The following HSD11B1 variants were observed in gnomAD, a reference collection of about 807,000 sequenced individuals.
The protein encoded by HSD11B1 is hydroxysteroid 11-beta dehydrogenase 1, also known as 11-beta-hydroxysteroid dehydrogenase 1.
Under a neutral mutation model 22.1 loss-of-function variants are expected in HSD11B1, and 15 were observed. The observed-to-expected ratio is 0.68, with a 90% CI of 0.45 to 1.04. The LOEUF is 1.04. Ranked by LOEUF, HSD11B1 falls within the 50% of genes least tolerant of loss-of-function variation. The pLI is 0.00. For synonymous variants in HSD11B1, 122 were observed against 125.2 expected, an observed-to-expected ratio of 0.97 and a Z score of 0.17; for missense variants, 281 against 357.6, an observed-to-expected ratio of 0.79 and a Z score of 1.73.
intron 4 of HSD11B1, among the ~76,000 whole-genome samples, chr1:209,730,375 G>T (rs567420142): frequency 4.6e-5 from 7 of 152,302 alleles, no homozygotes; most frequent in South Asian, 2.1e-4. Context: ...CATATCTGAG[G>T]TTCCTTAGGA....
At chr1:209,695,035 A>C (rs1241446479) in intron 1 of HSD11B1, among the ~76,000 whole-genome samples, 1 of 152,154 alleles carries the variant, frequency 6.6e-6, no homozygotes, top group East Asian at 1.9e-4. Context: ...CCATAATCTC[A>C]TCTGTTCTCA....
intron 1 of HSD11B1, among the ~76,000 whole-genome samples, chr1:209,696,273 A>T (rs190817958): frequency 2.5e-3 from 378 of 152,338 alleles, no homozygotes; most frequent in African/African-American, 8.2e-3. Flanking sequence ...AGATTGCAGT[A>T]ATGATTTCTC....
intron 4 of HSD11B1, among the ~76,000 whole-genome samples, chr1:209,721,469 CAAAAAAA>C (rs3059693): frequency 3.5e-4 from 36 of 101,822 alleles, no homozygotes; most frequent in African/African-American, 1.2e-3. Flanking sequence ...ATTTCAAAAG[CAAAAAAA>C]AAAAAAAAAA....
At chr1:209,732,297 A>T in intron 4 of HSD11B1, 139 bp from the exon 5 acceptor site, 3 of 917,786 alleles carry the variant, frequency 3.3e-6, no homozygotes, top group Non-Finnish European at 5.2e-6. Context: ...ACACAGCAGT[A>T]TAACTTCCAT....
intron 4 of HSD11B1, among the ~76,000 whole-genome samples, chr1:209,717,673 T>C (rs995985503): frequency 6.6e-6 from 1 of 151,956 alleles, no homozygotes; most frequent in African/African-American, 2.4e-5. Flanking sequence ...CTGGCCAACA[T>C]GGTGAAACCC....
At chr1:209,714,438 G>A (rs2076917555) in intron 4 of HSD11B1, among the ~76,000 whole-genome samples, 1 of 152,100 alleles carries the variant, frequency 6.6e-6, no homozygotes, top group Non-Finnish European at 1.5e-5. Context: ...TGATTCCCTG[G>A]AGCTAACAAA....
intron 4 of HSD11B1, among the ~76,000 whole-genome samples, chr1:209,730,992 T>C (rs1407634627): frequency 1.3e-5 from 2 of 152,184 alleles, no homozygotes; most frequent in East Asian, 3.9e-4. Flanking sequence ...TTGTATAGCT[T>C]TAGGCCTAAG....
chr1:209,715,303 A>C (rs1223983227), intron 4 of HSD11B1, among the ~76,000 whole-genome samples: 1 of 152,190 alleles, frequency 6.6e-6, no homozygotes, highest in South Asian at 2.1e-4. Context: ...ATATATAAAT[A>C]TAGATGTGTG....
rs573982449 is a variant in HSD11B1 at position 209,727,234 on chromosome 1, A to G, written c.518-5202A>G. On this transcript the variant is annotated intron_variant, in intron 4 of 5. Coordinates refer to ENST00000367027, the MANE Select transcript of HSD11B1 (RefSeq NM_005525.4). ...ACTGCCAGCAGACATTAGAAGCTAG[A>G]AGAGAAAAAAGAAGGATTCCCTGCT... Among the ~76,000 whole-genome samples the G allele has an allele frequency of 7.9e-5, 12 of 152,322 alleles. No homozygotes were observed. In the East Asian group the frequency reaches 2.3e-3, roughly 29 times the overall value.
chr1:209,710,731 T>G (rs2076889775), intron 4 of HSD11B1, among the ~76,000 whole-genome samples: 1 of 152,206 alleles, frequency 6.6e-6, no homozygotes, highest in Non-Finnish European at 1.5e-5. Context: ...CTCAGTTGCT[T>G]TAAATATTCA....
intron 1 of HSD11B1, among the ~76,000 whole-genome samples, chr1:209,690,962 T>C (rs7529376): frequency 0.094 from 14,309 of 152,224 alleles, 734 homozygotes; most frequent in Middle Eastern, 0.2. Context: ...CCATATTCAG[T>C]GGACCCAGTG....
At chr1:209,691,535 T>C (rs2076759535) in intron 1 of HSD11B1, among the ~76,000 whole-genome samples, 1 of 151,238 alleles carries the variant, frequency 6.6e-6, no homozygotes, top group Non-Finnish European at 1.5e-5. Context: ...TCAATTAATT[T>C]GACCTATTTA....
intron 1 of HSD11B1, among the ~76,000 whole-genome samples, chr1:209,693,391 GC>G (rs1302044522): frequency 3.3e-5 from 5 of 152,140 alleles, no homozygotes. Context: ...CTTCTTCCTG[GC>G]CCTCCCCCAG....
At chr1:209,711,737 A>C (rs1406666129) in intron 4 of HSD11B1, among the ~76,000 whole-genome samples, 1 of 152,176 alleles carries the variant, frequency 6.6e-6, no homozygotes, top group African/African-American at 2.4e-5. Flanking sequence ...ATAAAATATA[A>C]TCATTGTTGT....
chr1:209,701,380 A>G (rs187039128), upstream of HSD11B1, among the ~76,000 whole-genome samples: 2 of 152,284 alleles, frequency 1.3e-5, no homozygotes, highest in African/African-American at 4.8e-5. Context: ...TTCACTATCA[A>G]GAGAATAGCA....
intron 1 of HSD11B1, among the ~76,000 whole-genome samples, chr1:209,698,212 TAGATA>T (rs1558187460): frequency 2.8e-5 from 4 of 142,930 alleles, no homozygotes; most frequent in Non-Finnish European, 6.2e-5. Flanking sequence ...GATAGATAGA[TAGATA>T]GGAAGGACAG....
At chr1:209,713,356 T>A (rs2076910279) in intron 4 of HSD11B1, among the ~76,000 whole-genome samples, 1 of 152,252 alleles carries the variant, frequency 6.6e-6, no homozygotes, top group Non-Finnish European at 1.5e-5. Context: ...TTTAGCTTCA[T>A]ATTTTTCTTC....
Position 209,705,823 on chromosome 1 carries a change from G to A in HSD11B1, c.101G>A (p.Gly34Glu). 6.2e-7 allele frequency: 1 copy of A among 1,613,894 alleles called. No homozygotes were observed. Among genetic ancestry groups the A allele is most frequent in the Non-Finnish European group, 8.5e-7 (1 of 1,179,854 alleles). Residue 34 changes from glycine (G) to glutamate (E), a missense_variant, in exon 2 of 6, where the codon GGA (glycine) becomes GAA (glutamate). Physicochemically the swap from Gly to Glu is moderately conservative, Grantham distance 98 (BLOSUM62 -2). Coordinates refer to ENST00000367027, the MANE Select transcript of HSD11B1 (RefSeq NM_005525.4). ...TGGGGTTCCCCAGAGATGCTCCAAG[G>A]AAAGAAAGTGATTGTCACAGGGGCC... is the stretch of plus-strand genomic sequence containing the variant. ...NEEFRPEMLQ[G>E]KKVIVTGASK...
intron 4 of HSD11B1, among the ~76,000 whole-genome samples, chr1:209,722,346 C>T (rs1022518892): frequency 1.3e-5 from 2 of 152,194 alleles, no homozygotes; most frequent in African/African-American, 4.8e-5. Context: ...AAAACTTTGC[C>T]CTGGGTTTTC....
Sources: allele counts gnomAD v4.1 joint callset (sites outside exome capture counted in the v4.1 genomes callset), GRCh38; gene constraint gnomAD v4.1.1; transcripts MANE v1.5; gene names NCBI Gene and HGNC (gene_info 2026-07-23, HGNC 2026-07-21).